The following XPR1 variants were observed in gnomAD, a reference collection of about 807,000 sequenced individuals.
XPR1 encodes the protein xenotropic and polytropic retrovirus receptor 1.
XPR1 carries 28 observed loss-of-function variants against 87.5 expected under a neutral mutation model. The observed-to-expected ratio is 0.32, with a 90% confidence interval of 0.24 to 0.44. The LOEUF (loss-of-function observed/expected upper bound fraction) is 0.44, where lower values mean the gene tolerates loss of function less well. XPR1 is among the 20% of genes least tolerant of loss of function. The pLI is 1.00. For missense variants in XPR1, 559 were observed against 862.3 expected (o/e 0.65, Z 4.41); for synonymous variants, 300 against 306.1 (o/e 0.98, Z 0.21).
At chr1:180,711,933 G>A (rs1657814558) in intron 2 of XPR1, among the ~76,000 whole-genome samples, 2 of 152,200 alleles carry the variant, frequency 1.3e-5, no homozygotes, top group South Asian at 2.1e-4. Context: ...CATATCAGTT[G>A]TTCTAACACC....
chr1:180,714,860 T>C (rs951320911), intron 2 of XPR1, among the ~76,000 whole-genome samples: 2 of 152,202 alleles, frequency 1.3e-5, no homozygotes, highest in Non-Finnish European at 2.9e-5. Context: ...ATCAGTGTTT[T>C]TGAAGAGAAT....
chr1:180,788,718 T>A (rs1019971038), intron 3 of XPR1, among the ~76,000 whole-genome samples: 2 of 152,230 alleles, frequency 1.3e-5, no homozygotes, highest in Admixed American at 6.5e-5. Context: ...TTACTCTATT[T>A]TTTATTTTCA....
At chr1:180,813,303 T>C (rs1353490911) in intron 7 of XPR1, among the ~76,000 whole-genome samples, 1 of 152,138 alleles carries the variant, frequency 6.6e-6, no homozygotes, top group Non-Finnish European at 1.5e-5. Context: ...AAAGAGCTCT[T>C]CCCCAAGATG....
intron 2 of XPR1, 141 bp downstream of exon 2, chr1:180,682,552 G>T (rs1656613063): frequency 5.8e-6 from 2 of 346,380 alleles, no homozygotes; most frequent in Non-Finnish European, 9.9e-6. Context: ...TATATATTAT[G>T]ATTATTTTAT....
chr1:180,669,885 G>A (rs1378994747), intron 1 of XPR1, among the ~76,000 whole-genome samples: 1 of 152,144 alleles, frequency 6.6e-6, no homozygotes, highest in Admixed American at 6.5e-5. Flanking sequence ...AAAGTTATGT[G>A]AATGTGGTCT....
intron 7 of XPR1, among the ~76,000 whole-genome samples, chr1:180,812,990 C>T (rs371720286): frequency 6.6e-6 from 1 of 151,712 alleles, no homozygotes; most frequent in Non-Finnish European, 1.5e-5. Flanking sequence ...CTTCTGGACT[C>T]GGTCTCCTTG....
chr1:180,761,072 G>T (rs899180320), intron 2 of XPR1, among the ~76,000 whole-genome samples: 16 of 152,142 alleles, frequency 1.1e-4, no homozygotes, highest in Non-Finnish European at 1.5e-4. Context: ...TATGTAGAAA[G>T]CTGAAACTGG....
chr1:180,670,478 A>G (rs568998216), intron 1 of XPR1, among the ~76,000 whole-genome samples: 2 of 152,332 alleles, frequency 1.3e-5, no homozygotes, highest in African/African-American at 4.8e-5. Flanking sequence ...CTTCAATAAC[A>G]TACAAAAACT....
intron 11 of XPR1, among the ~76,000 whole-genome samples, chr1:180,852,709 G>A (rs1274337454): frequency 6.6e-6 from 1 of 151,820 alleles, no homozygotes; most frequent in Non-Finnish European, 1.5e-5. Context: ...CCACCACACT[G>A]GTTTAATTTT....
At chr1:180,682,521 T>C in intron 2 of XPR1, 110 bp downstream of exon 2, 1 of 597,380 alleles carries the variant, frequency 1.7e-6, no homozygotes, top group East Asian at 3.6e-5. Flanking sequence ...ATTATATAGG[T>C]CTTTTTTTCC....
At chr1:180,685,101 A>G (rs924394956) in intron 2 of XPR1, among the ~76,000 whole-genome samples, 1 of 152,068 alleles carries the variant, frequency 6.6e-6, no homozygotes, top group African/African-American at 2.4e-5. Flanking sequence ...TTGCCCATTC[A>G]GTATGATATT....
intron 4 of XPR1, among the ~76,000 whole-genome samples, chr1:180,805,537 A>G (rs1649960898): frequency 6.6e-6 from 1 of 152,154 alleles, no homozygotes; most frequent in Non-Finnish European, 1.5e-5. Context: ...TGAAAGGAAA[A>G]TGAAAGTTAA....
intron 2 of XPR1, among the ~76,000 whole-genome samples, chr1:180,696,204 G>GTATA (rs1280091948): frequency 0.014 from 1,465 of 101,834 alleles, 11 homozygotes; most frequent in Non-Finnish European, 0.021. Context: ...GTGTGTGTGT[G>GTATA]TGTGTATATA....
chr1:180,849,213 T>G (rs764667052), intron 11 of XPR1, among the ~76,000 whole-genome samples: 1 of 152,162 alleles, frequency 6.6e-6, no homozygotes, highest in Non-Finnish European at 1.5e-5. Flanking sequence ...TTGGCAGACA[T>G]TATGTCATTT....
intron 2 of XPR1, among the ~76,000 whole-genome samples, chr1:180,753,046 T>A (rs899098092): frequency 1.3e-5 from 2 of 152,132 alleles, no homozygotes; most frequent in African/African-American, 4.8e-5. Flanking sequence ...AGAAAGAACA[T>A]TGTGTTGGCA....
At chr1:180,679,287 G>C (rs1248175164) in intron 1 of XPR1, among the ~76,000 whole-genome samples, 1 of 152,174 alleles carries the variant, frequency 6.6e-6, no homozygotes, top group Non-Finnish European at 1.5e-5. Flanking sequence ...GAATATTTGT[G>C]CTGGTTCTGG....
rs1491428490 is a variant in XPR1, at chr1:180,656,347, T to TA, written c.69+24077_69+24078insA. 3.7e-5 allele frequency among the ~76,000 whole-genome samples: 4 copies of TA among 106,740 alleles called. No individual in the cohort carries two copies. The East Asian group carries it at 1.4e-3, about 37-fold the overall frequency. The allele number at this position is 106,740 out of a possible 152,430, so 70.0% of individuals were successfully genotyped here. A position where few individuals can be genotyped will look rare whatever the true frequency, so the allele number is the denominator to read the frequency against. On this transcript the variant is annotated intron_variant, in intron 1 of 14. Transcript: ENST00000367590. ...TATTTATATATATAATATTTATATA[T>TA]TTAATATTTATATATATAATATTTA...
At chr1:180,714,670 G>T (rs1487109284) in intron 2 of XPR1, among the ~76,000 whole-genome samples, 13 of 152,156 alleles carry the variant, frequency 8.5e-5, no homozygotes, top group African/African-American at 2.7e-4. Flanking sequence ...CGTCCAAAGT[G>T]CTCAGATTAC....
rs534027811 is a variant in XPR1, at chr1:180,725,506, T to A, written c.121+43095T>A. On this transcript the variant is annotated intron_variant, in intron 2 of 14. Coordinates refer to ENST00000367590, the MANE Select transcript of XPR1 (RefSeq NM_004736.4). ...TTTTATGACTTCCAAACCTTTCTAG[T>A]ATTGTTGTACTTAATTATTTTTTAT... 1.3e-4 allele frequency among the ~76,000 whole-genome samples: 20 copies of A among 152,364 alleles called. No homozygotes were observed. In the East Asian group the frequency reaches 2.5e-3, roughly 19 times the overall value.
Sources: gnomAD v4.1 joint callset for allele counts (sites outside exome capture counted in the v4.1 genomes callset) on GRCh38, gnomAD v4.1.1 for gene constraint, MANE v1.5 for transcripts, NCBI Gene and HGNC (gene_info 2026-07-23, HGNC 2026-07-21) for gene names.